AGAP1: variants seen among roughly 807,000 people sequenced by gnomAD.
AGAP1 encodes the protein ArfGAP with GTPase domain, ankyrin repeat and PH domain 1.
A neutral mutation model predicts 105.3 loss-of-function variants in AGAP1; 29 were observed. That is an observed-to-expected ratio of 0.28 (90% confidence interval 0.21 to 0.38). The LOEUF is 0.38. Ranked by LOEUF, AGAP1 falls within the 10% of genes least tolerant of loss-of-function variation. The probability of loss-of-function intolerance (pLI) is 1.00; values close to 1 mark genes in which losing one functional copy is unlikely to be tolerated. For missense variants in AGAP1, 998 were observed against 1,165.1 expected, an observed-to-expected ratio of 0.86 and a Z score of 2.09; for synonymous variants, 509 against 485.9, an observed-to-expected ratio of 1.05 and a Z score of -0.63.
At position 235,883,528 on chromosome 2, in the gene AGAP1, C is replaced by A; in HGVS notation, c.1155+79C>A. The A allele has an allele frequency of 8.6e-7, 1 of 1,164,322 alleles. No homozygotes were observed. The highest frequency in any genetic ancestry group is 1.3e-6 in the Non-Finnish European group (1 of 793,140). The allele number at this position is 1,164,322 out of a possible 1,614,324, so 72.1% of individuals were successfully genotyped here. ...GTGGGGAAGGGGAACCTACCAGCAG[C>A]CCAGCCTCTTGTCTCTGTTTGAAGT... On this transcript the variant is annotated intron_variant, in intron 10 of 17. Transcript: ENST00000304032. The surrounding 1 kb of genome is among the most constrained non-coding windows in gnomAD (Gnocchi z 4.5).
rs1018552663 is a variant in AGAP1 at position 235,692,697 on chromosome 2, C to A, written c.164-16482C>A. Reference sequence around the variant, plus strand: ...AGAGAAGCCGATGACTGACGTGCACCCCGCCAGCCTCCCTGCTTATCCTTC... The same window carrying A: ...AGAGAAGCCGATGACTGACGTGCACACCGCCAGCCTCCCTGCTTATCCTTC... On this transcript the variant is annotated intron_variant, in intron 1 of 17. Transcript: ENST00000304032. This position sits in a 1 kb window ranked among gnomAD's most constrained non-coding sequence, Gnocchi z 5.8. 6.6e-5 allele frequency among the ~76,000 whole-genome samples: 10 copies of A among 152,200 alleles called. No individual in the cohort carries two copies. The highest frequency in any genetic ancestry group is 1.2e-4 in the Non-Finnish European group (8 of 68,038).
chr2:235,983,703 C>T lies in AGAP1; in HGVS notation c.1645+15080C>T, dbSNP rs902267662. Among the ~76,000 whole-genome samples the T allele has an allele frequency of 3.9e-5, 6 of 152,210 alleles. No individual in the cohort carries two copies. The highest frequency in any genetic ancestry group is 1.4e-4 in the African/African-American group (6 of 41,462). Reference sequence around the variant, plus strand: ...ATACACACTTCCCATTGTGTTGCCACTGCCTACAGTTTTTGATACAGTCAC... The same window carrying T: ...ATACACACTTCCCATTGTGTTGCCATTGCCTACAGTTTTTGATACAGTCAC... On this transcript the variant is annotated intron_variant, in intron 13 of 17. Transcript: ENST00000304032. The surrounding 1 kb of genome is among the most constrained non-coding windows in gnomAD (Gnocchi z 4.5).
chr2:235,929,580 G>A (rs893237074), intron 11 of AGAP1, among the ~76,000 whole-genome samples: 101 of 149,958 alleles, frequency 6.7e-4, no homozygotes, highest in African/African-American at 4.9e-4. Flanking sequence ...TGGGTGTAGG[G>A]CTCGTACACT....
At chr2:235,646,534 G>T (rs751561285) in intron 1 of AGAP1, among the ~76,000 whole-genome samples, 33 of 152,128 alleles carry the variant, frequency 2.2e-4, no homozygotes, top group Non-Finnish European at 3.4e-4. Context: ...ATGTAGGAAC[G>T]GGGGGCATTT....
Position 236,120,444 on chromosome 2 carries a change from C to A in AGAP1, c.2367C>A (p.Ile789=). 6.2e-7 allele frequency: 1 copy of A among 1,611,378 alleles called. No homozygotes were observed. ...KGNVVLAQLL[I]WYGVDVTARD... ...ATGTGGTCCTGGCGCAGCTCCTGAT[C>A]TGGGTAGGTGGTCGGCACGCCTGGC... Residue 789 remains isoleucine (I), a synonymous_variant, in exon 17 of 18, where the codon ATC becomes ATA. Transcript: ENST00000304032. The surrounding 1 kb of genome is among the most constrained non-coding windows in gnomAD (Gnocchi z 6.0).
At chr2:236,071,924 C>G (rs1336440914) in intron 16 of AGAP1, among the ~76,000 whole-genome samples, 1 of 152,124 alleles carries the variant, frequency 6.6e-6, no homozygotes, top group Non-Finnish European at 1.5e-5. Flanking sequence ...CAATCCAGAT[C>G]TTGGAATTAT....
rs1288020736 is a variant in AGAP1, at chr2:235,550,829, C to A, written c.163+55980C>A. ...TCACTCTGTTGCCCAGGCTGGAGTG[C>A]AGTGGCACTGTCTCGGCTCACTACA... is the stretch of plus-strand genomic sequence containing the variant. On this transcript the variant is annotated intron_variant, in intron 1 of 17. Transcript: ENST00000304032. This position sits in a 1 kb window ranked among gnomAD's most constrained non-coding sequence, Gnocchi z 4.6. Among the ~76,000 whole-genome samples the A allele has an allele frequency of 6.6e-6, 1 of 152,144 alleles. No individual in the cohort carries two copies. Among genetic ancestry groups the A allele is most frequent in the Admixed American group, 6.5e-5 (1 of 15,276 alleles).
In AGAP1 at chr2:235,717,630, A is replaced by G; in HGVS notation, c.296A>G (p.Glu99Gly). The change falls in exon 3 of 18, where the codon GAG becomes GGG. Residue 99 changes from glutamate (E) to glycine (G), a missense_variant. Glu to Gly is a moderately conservative substitution (Grantham distance 98). Around this residue, in one of 3 missense-constraint regions of AGAP1, gnomAD observed 735 missense variants for 833.4 expected, o/e 0.88. Transcript: ENST00000304032. Reference sequence around the variant, plus strand: ...TACCTGACGGGCACATATGTCCAGGAGGAGTCTCCGGAAGGTATGCTGTTT... The same window carrying G: ...TACCTGACGGGCACATATGTCCAGGGGGAGTCTCCGGAAGGTATGCTGTTT... Reference protein sequence around the residue: ...HRYLTGTYVQEESPEGGRFKK... With the variant: ...HRYLTGTYVQGESPEGGRFKK... 6.2e-7 allele frequency: 1 copy of G among 1,602,910 alleles called. No individual in the cohort carries two copies. Among genetic ancestry groups the G allele is most frequent in the Non-Finnish European group, 8.5e-7 (1 of 1,177,658 alleles).
rs556245370 is a variant in AGAP1 at position 235,779,284 on chromosome 2, TCA to T, written c.674-18470_674-18469del. Among the ~76,000 whole-genome samples, 433 of 152,324 alleles carry T rather than the reference TCA, an allele frequency of 2.8e-3. 2 individuals are homozygous for T. Among genetic ancestry groups the T allele is most frequent in the Non-Finnish European group, 4.3e-3 (293 of 68,022 alleles). On this transcript the variant is annotated intron_variant, in intron 6 of 17. Coordinates refer to ENST00000304032, the MANE Select transcript of AGAP1 (RefSeq NM_001037131.3). ...AAATACAGCCTCGCCAAGATACAAT[TCA>T]CACAGTCTCCAACCTAACGATTTAG...
intron 16 of AGAP1, among the ~76,000 whole-genome samples, chr2:236,085,191 G>T (rs1390336336): frequency 4.0e-5 from 6 of 149,210 alleles, no homozygotes; most frequent in Admixed American, 2.0e-4. Flanking sequence ...ACTCCAGCCT[G>T]GGCGACAGAA....
Position 235,754,819 on chromosome 2 carries a change from G to A in AGAP1, c.673+4331G>A, listed in dbSNP as rs1053042134. On this transcript the variant is annotated intron_variant, in intron 6 of 17. Transcript: ENST00000304032. The surrounding 1 kb of genome is among the most constrained non-coding windows in gnomAD (Gnocchi z 4.6). Reference sequence around the variant, plus strand: ...GCGCAGGCAGGGTCCCTTCCTCCGTGAAGTTAAGGTCCACTAGGGAGGGTA... The same window carrying A: ...GCGCAGGCAGGGTCCCTTCCTCCGTAAAGTTAAGGTCCACTAGGGAGGGTA... Among the ~76,000 whole-genome samples, 1 of 152,200 alleles carries A rather than the reference G, an allele frequency of 6.6e-6. No individual in the cohort carries two copies. Among genetic ancestry groups the A allele is most frequent in the Non-Finnish European group, 1.5e-5 (1 of 68,034 alleles).
intron 9 of AGAP1, among the ~76,000 whole-genome samples, chr2:235,852,003 G>A (rs778447196): frequency 4.6e-5 from 7 of 152,094 alleles, no homozygotes; most frequent in Non-Finnish European, 7.3e-5. Context: ...AACAACCTCC[G>A]CTGAATAGAG....
chr2:235,882,059 TTTG>T lies in AGAP1; in HGVS notation c.1051-1283_1051-1281del, dbSNP rs1049941382. Among the ~76,000 whole-genome samples, 24 of 152,252 alleles carry T rather than the reference TTTG, an allele frequency of 1.6e-4. No homozygotes were observed. The highest frequency in any genetic ancestry group is 6.8e-3 in the Middle Eastern group (2 of 294). On this transcript the variant is annotated intron_variant, in intron 9 of 17. Coordinates refer to ENST00000304032, the MANE Select transcript of AGAP1 (RefSeq NM_001037131.3). This position sits in a 1 kb window ranked among gnomAD's most constrained non-coding sequence, Gnocchi z 4.6. The stretch of plus-strand genomic sequence containing the variant: ...TCTGGGGTTTTTTTGTGGTTTTTGT[TTTG>T]TTTTGTTTTGGTGGGTTTTTTTGTG...
At chr2:235,937,254 A>G (rs971251432) in intron 12 of AGAP1, among the ~76,000 whole-genome samples, 1 of 152,198 alleles carries the variant, frequency 6.6e-6, no homozygotes, top group Non-Finnish European at 1.5e-5. Context: ...GGCCGGCCTA[A>G]TTAAAAGGCT....
chr2:235,950,534 G>A (rs2053687228), intron 12 of AGAP1, among the ~76,000 whole-genome samples: 1 of 152,172 alleles, frequency 6.6e-6, no homozygotes, highest in African/African-American at 2.4e-5. Flanking sequence ...CTGGATGAGA[G>A]GTGGGTGGAT....
At chr2:235,871,335 C>T (rs900448240) in intron 9 of AGAP1, among the ~76,000 whole-genome samples, 4 of 152,228 alleles carry the variant, frequency 2.6e-5, no homozygotes, top group African/African-American at 7.2e-5. Context: ...GCCAGGAGCA[C>T]TTCCAGCATC....
chr2:235,826,634 G>C (rs1258089377), intron 9 of AGAP1, among the ~76,000 whole-genome samples: 1 of 152,106 alleles, frequency 6.6e-6, no homozygotes, highest in Admixed American at 6.5e-5. Context: ...ATTTTTAGTA[G>C]AGACGGGGTT....
intron 10 of AGAP1, among the ~76,000 whole-genome samples, chr2:235,894,617 A>ACATACG (rs34303747): frequency 8.8e-5 from 2 of 22,674 alleles, no homozygotes; most frequent in African/African-American, 1.3e-4. Flanking sequence ...ACACACTTAA[A>ACATACG]CATACACATG....
chr2:236,034,535 A>G (rs2057321565), intron 13 of AGAP1, among the ~76,000 whole-genome samples: 1 of 152,072 alleles, frequency 6.6e-6, no homozygotes, highest in Admixed American at 6.5e-5. Flanking sequence ...AGACCCTCCC[A>G]TCCTGACCTC....
Sources: allele counts gnomAD v4.1 joint callset (sites outside exome capture counted in the v4.1 genomes callset), GRCh38; gene constraint gnomAD v4.1.1; regional missense constraint gnomAD v4.1.1; non-coding constraint Gnocchi (gnomAD v3.1); transcripts MANE v1.5; gene names NCBI Gene and HGNC (gene_info 2026-07-23, HGNC 2026-07-21).